ADCY5: variants seen among roughly 807,000 people sequenced by gnomAD.
ADCY5 encodes adenylate cyclase 5, also known as adenylate cyclase type 5.
ADCY5 carries 30 observed loss-of-function variants against 119.7 expected under a neutral mutation model. The ratio of observed to expected loss-of-function variants is 0.25; its 90% CI spans 0.19 to 0.34. The LOEUF is 0.34. Among genes scored for constraint, ADCY5 ranks in the 10% least tolerant of loss-of-function variants. The pLI is 1.00. For missense variants in ADCY5, 1,324 were observed against 1,775.2 expected (o/e 0.75, Z 4.57); for synonymous variants, 753 against 762.2 (o/e 0.99, Z 0.20).
chr3:123,365,086 A>G (rs1391955340), intron 1 of ADCY5, among the ~76,000 whole-genome samples: 2 of 151,852 alleles, frequency 1.3e-5, no homozygotes, highest in African/African-American at 4.8e-5. Context: ...GGCGCCCACC[A>G]CCATGCCTAG....
At chr3:123,429,415 C>T (rs879591249) in intron 1 of ADCY5, among the ~76,000 whole-genome samples, 1 of 152,156 alleles carries the variant, frequency 6.6e-6, no homozygotes, top group Non-Finnish European at 1.5e-5. Context: ...CCCAACCCTG[C>T]CCCAGTGAGT....
chr3:123,309,210 A>G (rs951221317), intron 12 of ADCY5, among the ~76,000 whole-genome samples: 1 of 152,056 alleles, frequency 6.6e-6, no homozygotes, highest in Non-Finnish European at 1.5e-5. Flanking sequence ...TATTGCAAAG[A>G]TAAAAGGAGG....
rs562924976 is a variant in ADCY5 at position 123,339,090 on chromosome 3, A to C, written c.1407-6415T>G. On this transcript the variant is annotated intron_variant, in intron 3 of 20. Transcript: ENST00000462833. ...AGGGAGTATGGCAAGGTCTCAGCCC[A>C]ACTCCCAGGAAGTTGGGAGCTGAAG... Among the ~76,000 whole-genome samples, 8 of 152,316 alleles carry C rather than the reference A, an allele frequency of 5.3e-5. No homozygotes were observed. The South Asian group carries it at 1.7e-3, about 32-fold the overall frequency.
chr3:123,346,607 T>TTCTCTCTCTCTCTCTC (rs72299981), intron 3 of ADCY5, among the ~76,000 whole-genome samples: 2,660 of 127,630 alleles, frequency 0.021, 34 homozygotes, highest in East Asian at 0.052. Flanking sequence ...CAGCCTCACC[T>TTCTCTCTCTCTCTCTC]TCTCTCTCTC....
At chr3:123,297,114 G>T (rs138270757) in intron 16 of ADCY5, 2 of 1,465,880 alleles carry the variant, frequency 1.4e-6, no homozygotes, top group Middle Eastern at 1.7e-4. Context: ...ATCTGAAGCC[G>T]GTGATCCCAA....
chr3:123,363,128 G>A lies in ADCY5; in HGVS notation c.1135-10547C>T, dbSNP rs1224069107. 2.3e-5 allele frequency among the ~76,000 whole-genome samples: 3 copies of A among 128,302 alleles called. No homozygotes were observed. The Admixed American group carries it at 2.7e-4, about 11-fold the overall frequency. The allele number at this position is 128,302 out of a possible 152,430, so 84.2% of individuals were successfully genotyped here. On this transcript the variant is annotated intron_variant, in intron 1 of 20. Coordinates refer to ENST00000462833, the MANE Select transcript of ADCY5 (RefSeq NM_183357.3). ...ATTGCACTCCAGCCCAGGCAACAGAGCAAGATTCCTTCTTGAAAAAAAAAA... is the reference window on the plus strand; with the variant it reads ...ATTGCACTCCAGCCCAGGCAACAGAACAAGATTCCTTCTTGAAAAAAAAAA...
At chr3:123,379,172 G>A (rs74732361) in intron 1 of ADCY5, among the ~76,000 whole-genome samples, 6,679 of 152,190 alleles carry the variant, frequency 0.044, 482 homozygotes, top group African/African-American at 0.15. Flanking sequence ...ATACACGCCT[G>A]TCATGGGACT....
chr3:123,313,310 T>C (rs989734191), intron 12 of ADCY5, among the ~76,000 whole-genome samples: 2 of 152,186 alleles, frequency 1.3e-5, no homozygotes, highest in Admixed American at 6.5e-5. Flanking sequence ...AAGGGGACTT[T>C]GGAGGGGATG....
intron 7 of ADCY5, among the ~76,000 whole-genome samples, chr3:123,326,622 G>A (rs1031446884): frequency 6.6e-6 from 1 of 152,130 alleles, no homozygotes; most frequent in East Asian, 1.9e-4. Flanking sequence ...CAAGGAACTG[G>A]CCAACGCTTA....
At chr3:123,429,417 C>A (rs774275673) in intron 1 of ADCY5, among the ~76,000 whole-genome samples, 1 of 152,174 alleles carries the variant, frequency 6.6e-6, no homozygotes, top group Middle Eastern at 3.2e-3. Context: ...CAACCCTGCC[C>A]CAGTGAGTGC....
intron 1 of ADCY5, among the ~76,000 whole-genome samples, chr3:123,405,873 G>A (rs555651043): frequency 1.1e-4 from 16 of 152,260 alleles, no homozygotes; most frequent in Non-Finnish European, 5.9e-5. Context: ...GGCCTCAAGC[G>A]ATCTGCCTGC....
At chr3:123,438,927 T>G (rs543204529) in intron 1 of ADCY5, among the ~76,000 whole-genome samples, 27 of 151,916 alleles carry the variant, frequency 1.8e-4, no homozygotes, top group Admixed American at 1.2e-3. Flanking sequence ...TTTTAAAAAA[T>G]TTTTTGTAGA....
intron 3 of ADCY5, among the ~76,000 whole-genome samples, chr3:123,337,505 C>T (rs1190223738): frequency 2.0e-5 from 3 of 152,358 alleles, no homozygotes; most frequent in African/African-American, 7.2e-5. Context: ...GCCCTGCTCC[C>T]GCTGAAACTC....
intron 3 of ADCY5, among the ~76,000 whole-genome samples, chr3:123,335,087 A>G (rs1941958238): frequency 1.3e-5 from 2 of 152,158 alleles, no homozygotes; most frequent in Non-Finnish European, 2.9e-5. Flanking sequence ...ACTGCTGACG[A>G]CAACCCCTGC....
At chr3:123,344,951 T>C (rs1942461593) in intron 3 of ADCY5, among the ~76,000 whole-genome samples, 1 of 152,254 alleles carries the variant, frequency 6.6e-6, no homozygotes, top group African/African-American at 2.4e-5. Context: ...ATCTTGATTT[T>C]TCTCTCCTTT....
intron 1 of ADCY5, among the ~76,000 whole-genome samples, chr3:123,369,344 G>A (rs1045504492): frequency 1.2e-4 from 19 of 152,200 alleles, no homozygotes; most frequent in African/African-American, 4.1e-4. Flanking sequence ...TACCCAGCCT[G>A]TGGTGTTCAG....
intron 1 of ADCY5, among the ~76,000 whole-genome samples, chr3:123,379,912 A>G (rs1445693555): frequency 6.6e-6 from 1 of 152,224 alleles, no homozygotes; most frequent in African/African-American, 2.4e-5. Context: ...TTTACAGAAG[A>G]ACCGGAGACT....
chr3:123,393,155 G>A (rs564213408), intron 1 of ADCY5, among the ~76,000 whole-genome samples: 11 of 152,248 alleles, frequency 7.2e-5, no homozygotes, highest in South Asian at 2.1e-4. Context: ...AAAAGAGCCC[G>A]GGGTCGAGAG....
chr3:123,425,642 C>T (rs998635826), intron 1 of ADCY5, among the ~76,000 whole-genome samples: 1 of 152,222 alleles, frequency 6.6e-6, no homozygotes, highest in African/African-American at 2.4e-5. Flanking sequence ...GGTCACAGGG[C>T]TGACCTCGCC....
Sources: gnomAD v4.1 joint callset for allele counts (sites outside exome capture counted in the v4.1 genomes callset) on GRCh38, gnomAD v4.1.1 for gene constraint, MANE v1.5 for transcripts, NCBI Gene and HGNC (gene_info 2026-07-23, HGNC 2026-07-21) for gene names.